DIP2C: variants seen among roughly 807,000 people sequenced by gnomAD.
The protein encoded by DIP2C is DIP2 acetate--CoA ligase C (putative).
Under a neutral mutation model 192.4 loss-of-function variants are expected in DIP2C, and 33 were observed. The observed-to-expected ratio is 0.17, with a 90% confidence interval of 0.13 to 0.23. DIP2C has a LOEUF of 0.23. Ranked by LOEUF, DIP2C falls within the 10% of genes least tolerant of loss-of-function variation. The pLI is 1.00. For missense variants in DIP2C, 1,537 were observed against 2,110.1 expected, an observed-to-expected ratio of 0.73 and a Z score of 5.32; for synonymous variants, 979 against 864.1, an observed-to-expected ratio of 1.13 and a Z score of -2.33.
chr10:276,299 G>GTC lies in DIP2C; in HGVS notation c.*1024_*1025dup, dbSNP rs1294470588. On this transcript the variant is annotated 3_prime_UTR_variant, in exon 37 of 37. Transcript: ENST00000280886. ...GAGATGGCAATAATTTCACTTGCTGGTCTCTGGTTCTAGAAGAAACTTTTA... is the reference window on the plus strand; with the variant it reads ...GAGATGGCAATAATTTCACTTGCTGGTCTCTCTGGTTCTAGAAGAAACTTTTA... 6.6e-6 allele frequency: 1 copy of GTC among 152,608 alleles called. No individual in the cohort carries two copies. Among genetic ancestry groups the GTC allele is most frequent in the Non-Finnish European group, 1.5e-5 (1 of 68,042 alleles). 9.5% of individuals were successfully genotyped at this position (152,608 alleles called of 1,614,324 possible). A position where few individuals can be genotyped will look rare whatever the true frequency, so the allele number is the denominator to read the frequency against.
At chr10:598,413 A>C (rs1379844465) in intron 1 of DIP2C, among the ~76,000 whole-genome samples, 1 of 152,248 alleles carries the variant, frequency 6.6e-6, no homozygotes, top group Admixed American at 6.5e-5. Flanking sequence ...ACATTCCCTC[A>C]ATCCATATGG....
intron 1 of DIP2C, among the ~76,000 whole-genome samples, chr10:588,802 C>G (rs1225323968): frequency 6.6e-6 from 1 of 152,206 alleles, no homozygotes; most frequent in Non-Finnish European, 1.5e-5. Flanking sequence ...CTGACAAGAG[C>G]CCCCATGTTC....
chr10:581,052 C>G (rs1223251930), intron 1 of DIP2C, among the ~76,000 whole-genome samples: 2 of 152,082 alleles, frequency 1.3e-5, no homozygotes, highest in African/African-American at 4.8e-5. Flanking sequence ...GACCAATGTC[C>G]CAGGGTGAGG....
At chr10:389,085 C>T in intron 13 of DIP2C, among the ~76,000 whole-genome samples, 1 of 116,134 alleles carries the variant, frequency 8.6e-6, no homozygotes, top group South Asian at 2.5e-4. Context: ...CATGGGGGTT[C>T]TCTGGGGGTT....
chr10:619,065 G>A (rs1293870992), intron 1 of DIP2C, among the ~76,000 whole-genome samples: 2 of 152,156 alleles, frequency 1.3e-5, no homozygotes, highest in African/African-American at 2.4e-5. Flanking sequence ...GCTGTCTCCT[G>A]AGCTGTGTGG....
At chr10:339,983 C>A (rs1958064393) in intron 29 of DIP2C, among the ~76,000 whole-genome samples, 1 of 152,102 alleles carries the variant, frequency 6.6e-6, no homozygotes, top group African/African-American at 2.4e-5. Flanking sequence ...GAGTTCAAGA[C>A]CAGCCTGGCC....
chr10:310,104 AAC>A lies in DIP2C; in HGVS notation c.3925-14_3925-13del. ...GGTCCTGAGGTTCCCTGCAAGCAAC[AAC>A]AGAGTGGTTAACTCAAGTTTACATG... On this transcript the variant is annotated splice_polypyrimidine_tract_variant and intron_variant, in intron 31 of 36. Transcript: ENST00000280886. The A allele has an allele frequency of 6.2e-7, 1 of 1,614,026 alleles. No individual in the cohort carries two copies. Among genetic ancestry groups the A allele is most frequent in the Non-Finnish European group, 8.5e-7 (1 of 1,179,884 alleles).
chr10:350,535 G>A (rs932929636), intron 24 of DIP2C, among the ~76,000 whole-genome samples: 1 of 151,964 alleles, frequency 6.6e-6, no homozygotes, highest in African/African-American at 2.4e-5. Context: ...TATTAACAGG[G>A]TGAGGATCTT....
intron 3 of DIP2C, among the ~76,000 whole-genome samples, chr10:459,642 G>A (rs1969589661): frequency 6.6e-6 from 1 of 151,346 alleles, no homozygotes; most frequent in Non-Finnish European, 1.5e-5. Flanking sequence ...CTTCATCTGG[G>A]CTCTAGGGTC....
chr10:574,426 G>A (rs1019027801), intron 1 of DIP2C, among the ~76,000 whole-genome samples: 4 of 152,208 alleles, frequency 2.6e-5, no homozygotes, highest in African/African-American at 9.7e-5. Flanking sequence ...ACATGCTAAC[G>A]ATGAAGCAGA....
At chr10:457,624 C>G (rs957833167) in intron 3 of DIP2C, among the ~76,000 whole-genome samples, 1 of 152,098 alleles carries the variant, frequency 6.6e-6, no homozygotes, top group African/African-American at 2.4e-5. Context: ...GATGTGACAA[C>G]AGCTCACTGC....
At chr10:451,956 T>C (rs922555456) in intron 3 of DIP2C, among the ~76,000 whole-genome samples, 1 of 152,156 alleles carries the variant, frequency 6.6e-6, no homozygotes, top group African/African-American at 2.4e-5. Context: ...AACAGAAGAA[T>C]ACTTCTGCCC....
At chr10:397,562 G>A (rs1306821891) in intron 10 of DIP2C, among the ~76,000 whole-genome samples, 1 of 151,054 alleles carries the variant, frequency 6.6e-6, no homozygotes, top group African/African-American at 2.4e-5. Flanking sequence ...GGGAGCTGAT[G>A]GTTTAAGGGC....
chr10:369,934 T>TC (rs1960761922), intron 17 of DIP2C: 1 of 984,342 alleles, frequency 1.0e-6, no homozygotes, highest in Non-Finnish European at 1.2e-6. Context: ...CAGCTCTCTC[T>TC]CCCCTCCCTC....
intron 1 of DIP2C, among the ~76,000 whole-genome samples, chr10:553,092 C>G (rs1005951147): frequency 2.0e-5 from 3 of 152,232 alleles, no homozygotes; most frequent in African/African-American, 7.2e-5. Context: ...GAGGCTCGTG[C>G]CAACAGACCC....
chr10:311,229 A>T (rs1318876954), intron 31 of DIP2C, among the ~76,000 whole-genome samples: 4 of 152,204 alleles, frequency 2.6e-5, no homozygotes, highest in African/African-American at 9.6e-5. Flanking sequence ...CACAGTGAGT[A>T]ATGCAAAATA....
chr10:507,694 G>A (rs566323597), intron 1 of DIP2C, among the ~76,000 whole-genome samples: 4 of 152,228 alleles, frequency 2.6e-5, no homozygotes, highest in Admixed American at 6.5e-5. Flanking sequence ...ATACATATGC[G>A]CACAGGTGAG....
Position 472,481 on chromosome 10 carries a change from G to T in DIP2C, c.226C>A (p.Arg76Ser), listed in dbSNP as rs748396691. The T allele has an allele frequency of 1.2e-6, 2 of 1,614,188 alleles. No individual in the cohort carries two copies. The highest frequency in any genetic ancestry group is 1.7e-6 in the Non-Finnish European group (2 of 1,180,044). The change falls in exon 3 of 37, where the codon CGC becomes AGC. Residue 76 changes from arginine (R) to serine (S), a missense_variant. Arg to Ser is a moderately radical substitution (Grantham distance 110). Transcript: ENST00000280886. The part of the protein sequence containing the change: ...VTPSSASRYH[R>S]RRSSGSRDER... ...TCTCGTGACCCTGAAGACCGTCGGC[G>T]GTGGTAGCGAGAGGCGGAGGAAGGA...
chr10:448,068 C>G (rs1312587056), intron 3 of DIP2C, among the ~76,000 whole-genome samples: 1 of 134,228 alleles, frequency 7.5e-6, no homozygotes, highest in Non-Finnish European at 1.5e-5. Context: ...CCCACTCATC[C>G]CCGTCTATAC....
Sources: gnomAD v4.1 joint callset for allele counts (sites outside exome capture counted in the v4.1 genomes callset) on GRCh38, gnomAD v4.1.1 for gene constraint, MANE v1.5 for transcripts, NCBI Gene and HGNC (gene_info 2026-07-23, HGNC 2026-07-21) for gene names.